ROBO2: variants seen among roughly 807,000 people sequenced by gnomAD.
ROBO2 encodes roundabout homolog 2.
Under a neutral mutation model 160.8 loss-of-function variants are expected in ROBO2, and 53 were observed. The ratio of observed to expected loss-of-function variants is 0.33; its 90% confidence interval spans 0.26 to 0.41. The LOEUF is 0.41. Among genes scored for constraint, ROBO2 ranks in the 10% least tolerant of loss-of-function variants. The probability of loss-of-function intolerance (pLI) is 1.00; values close to 1 mark genes in which losing one functional copy is unlikely to be tolerated. For missense variants in ROBO2, 1,577 were observed against 1,722.4 expected (o/e 0.92, Z 1.49); for synonymous variants, 664 against 611.7 (o/e 1.09, Z -1.26).
intron 2 of ROBO2, among the ~76,000 whole-genome samples, chr3:77,162,654 C>T (rs1391460055): frequency 6.6e-6 from 1 of 152,150 alleles, no homozygotes; most frequent in Non-Finnish European, 1.5e-5. Flanking sequence ...AACCATCTCC[C>T]TCTTTTATGA....
intron 2 of ROBO2, among the ~76,000 whole-genome samples, chr3:76,090,877 G>T (rs1002378413): frequency 2.0e-5 from 3 of 152,130 alleles, no homozygotes; most frequent in Non-Finnish European, 4.4e-5. Flanking sequence ...AATGGTGCGG[G>T]AACAACTGTA....
intron 2 of ROBO2, among the ~76,000 whole-genome samples, chr3:76,985,183 CATA>C (rs779342584): frequency 1.3e-5 from 2 of 152,034 alleles, no homozygotes; most frequent in Non-Finnish European, 2.9e-5. Context: ...AATTAATAAT[CATA>C]ATGTTAATTT....
chr3:77,238,860 G>T (rs747510242), intron 2 of ROBO2, among the ~76,000 whole-genome samples: 10 of 152,104 alleles, frequency 6.6e-5, no homozygotes, highest in Non-Finnish European at 1.0e-4. Flanking sequence ...GAGCAATTCT[G>T]TTTTCTCCTC....
At chr3:76,876,244 G>A (rs891833706) in intron 2 of ROBO2, among the ~76,000 whole-genome samples, 6 of 152,262 alleles carry the variant, frequency 3.9e-5, no homozygotes, top group Middle Eastern at 3.4e-3. Context: ...CTCATCAAAC[G>A]AAAACATTTT....
intron 2 of ROBO2, among the ~76,000 whole-genome samples, chr3:77,005,125 C>T (rs2061516299): frequency 6.6e-6 from 1 of 152,182 alleles, no homozygotes; most frequent in Non-Finnish European, 1.5e-5. Flanking sequence ...CTACGCTTTT[C>T]TTCCCACCGC....
intron 2 of ROBO2, among the ~76,000 whole-genome samples, chr3:77,201,914 G>A (rs1405231425): frequency 1.3e-5 from 2 of 152,062 alleles, no homozygotes; most frequent in African/African-American, 4.8e-5. Context: ...GATCTTCAAG[G>A]ACAAAACAAG....
chr3:76,363,982 C>T (rs1041472595), intron 2 of ROBO2, among the ~76,000 whole-genome samples: 4 of 151,944 alleles, frequency 2.6e-5, no homozygotes, highest in African/African-American at 9.7e-5. Context: ...TCAAAGCAGG[C>T]CTGTTGTCAG....
chr3:76,376,000 G>A (rs1055889455), intron 2 of ROBO2, among the ~76,000 whole-genome samples: 2 of 151,904 alleles, frequency 1.3e-5, no homozygotes, highest in Admixed American at 6.6e-5. Context: ...GCATTGCACT[G>A]TTTCGTAATA....
chr3:77,104,380 T>A (rs763254544), intron 2 of ROBO2, among the ~76,000 whole-genome samples: 1 of 152,322 alleles, frequency 6.6e-6, no homozygotes, highest in Non-Finnish European at 1.5e-5. Flanking sequence ...GGATCCTGTT[T>A]GTTTAGCATG....
chr3:76,393,415 G>A (rs577326195), intron 2 of ROBO2, among the ~76,000 whole-genome samples: 28 of 152,228 alleles, frequency 1.8e-4, no homozygotes, highest in African/African-American at 5.8e-4. Flanking sequence ...AAATTATGGA[G>A]CATATGATAC....
rs556138005 is a variant in ROBO2 at position 76,928,886 on chromosome 3, C to A, written c.110-169128C>A. ...ATCCTGATGAATCTCCAATCTCTGG[C>A]CAGACATCTTTCTCATTCTTCCCCT... is the stretch of plus-strand genomic sequence containing the variant. On this transcript the variant is annotated intron_variant, in intron 2 of 26. Coordinates refer to the ROBO2 transcript ENST00000487694. Among the ~76,000 whole-genome samples, 3 of 152,260 alleles carry A rather than the reference C, an allele frequency of 2.0e-5. No homozygotes were observed. In the South Asian group the frequency reaches 6.2e-4, roughly 32 times the overall value.
At chr3:77,504,524 AG>A (rs1326221620) in intron 5 of ROBO2, among the ~76,000 whole-genome samples, 1 of 152,232 alleles carries the variant, frequency 6.6e-6, no homozygotes, top group Admixed American at 6.5e-5. Context: ...GAAACAAAAA[AG>A]TAAAAGAGAC....
At chr3:76,537,992 T>C (rs1345716826) in intron 2 of ROBO2, among the ~76,000 whole-genome samples, 1 of 152,072 alleles carries the variant, frequency 6.6e-6, no homozygotes. Context: ...TGGAAGGTCA[T>C]ATGGAGGGTC....
intron 2 of ROBO2, among the ~76,000 whole-genome samples, chr3:76,295,425 C>T (rs1035216728): frequency 6.6e-6 from 1 of 151,926 alleles, no homozygotes; most frequent in Non-Finnish European, 1.5e-5. Context: ...AAGATGTTTG[C>T]AATTCTCGGA....
At chr3:77,277,061 A>G (rs931756774) in intron 2 of ROBO2, among the ~76,000 whole-genome samples, 1 of 152,168 alleles carries the variant, frequency 6.6e-6, no homozygotes, top group Non-Finnish European at 1.5e-5. Flanking sequence ...TATCAGCAAC[A>G]TAGTGAAAAC....
At chr3:77,008,512 A>T (rs2061701711) in intron 2 of ROBO2, among the ~76,000 whole-genome samples, 1 of 152,190 alleles carries the variant, frequency 6.6e-6, no homozygotes, top group Admixed American at 6.5e-5. Context: ...GAAATATACG[A>T]CAATACTAAC....
At chr3:76,339,657 TA>T (rs1198329354) in intron 2 of ROBO2, among the ~76,000 whole-genome samples, 3 of 152,142 alleles carry the variant, frequency 2.0e-5, no homozygotes, top group Non-Finnish European at 4.4e-5. Context: ...GCGTCATTTT[TA>T]TTTGAACAGC....
chr3:76,996,925 C>T (rs1182611667), intron 2 of ROBO2, among the ~76,000 whole-genome samples: 1 of 152,066 alleles, frequency 6.6e-6, no homozygotes, highest in Non-Finnish European at 1.5e-5. Context: ...ATGTGTCTGC[C>T]AGTTTGTCTG....
intron 2 of ROBO2, among the ~76,000 whole-genome samples, chr3:76,663,810 A>G (rs1457620876): frequency 6.6e-6 from 1 of 152,228 alleles, no homozygotes; most frequent in Non-Finnish European, 1.5e-5. Context: ...AGGCTGAGGC[A>G]GGAGAATCGC....
Sources: gnomAD v4.1 joint callset for allele counts (sites outside exome capture counted in the v4.1 genomes callset) on GRCh38, gnomAD v4.1.1 for gene constraint, MANE v1.5 for transcripts, NCBI Gene and HGNC (gene_info 2026-07-23, HGNC 2026-07-21) for gene names.